Variants in SCAPER observed in about 807,000 individuals in gnomAD.
The protein encoded by SCAPER is S-phase cyclin A associated protein in the ER, also known as S phase cyclin A-associated protein in the endoplasmic reticulum.
SCAPER carries 98 observed loss-of-function variants against 182.2 expected under a neutral mutation model. That is an observed-to-expected ratio of 0.54 (90% confidence interval 0.46 to 0.64). SCAPER has a LOEUF of 0.64. Among genes scored for constraint, SCAPER ranks in the 30% least tolerant of loss-of-function variants. SCAPER has a pLI of 0.00. For missense variants in SCAPER, 1,432 were observed against 1,690.0 expected (o/e 0.85, Z 2.68); for synonymous variants, 605 against 564.6 (o/e 1.07, Z -1.01).
chr15:76,667,014 G>C (rs1598034450), intron 20 of SCAPER, among the ~76,000 whole-genome samples: 1 of 152,164 alleles, frequency 6.6e-6, no homozygotes, highest in Non-Finnish European at 1.5e-5. Flanking sequence ...ATCTCAAAAG[G>C]ATTCTTGTTT....
intron 17 of SCAPER, among the ~76,000 whole-genome samples, chr15:76,725,303 ACAT>A (rs763841200): frequency 3.6e-4 from 55 of 152,208 alleles, no homozygotes; most frequent in Non-Finnish European, 6.6e-4. Context: ...AAATGGAAAG[ACAT>A]CATGTTTTCA....
intron 25 of SCAPER, among the ~76,000 whole-genome samples, chr15:76,465,941 T>C (rs1201676845): frequency 1.3e-5 from 2 of 152,166 alleles, no homozygotes; most frequent in Non-Finnish European, 2.9e-5. Flanking sequence ...AATATGTTGA[T>C]AGTCTGATGT....
chr15:76,607,497 G>C (rs2050543330), intron 22 of SCAPER, among the ~76,000 whole-genome samples: 1 of 152,058 alleles, frequency 6.6e-6, no homozygotes, highest in African/African-American at 2.4e-5. Flanking sequence ...TTTGTGTCTT[G>C]GAGTTGCTCT....
intron 5 of SCAPER, among the ~76,000 whole-genome samples, chr15:76,815,155 T>C (rs1214130602): frequency 6.6e-6 from 1 of 152,188 alleles, no homozygotes; most frequent in African/African-American, 2.4e-5. Flanking sequence ...TGTACACTAT[T>C]TGTGGAAATG....
Position 76,569,710 on chromosome 15 carries a change from CTTCTT to C in SCAPER, c.2838+4443_2838+4447del, listed in dbSNP as rs1161572898. Among the ~76,000 whole-genome samples, 13 of 151,788 alleles carry C rather than the reference CTTCTT, an allele frequency of 8.6e-5. No individual in the cohort carries two copies. The South Asian group carries it at 2.3e-3, about 27-fold the overall frequency. On this transcript the variant is annotated intron_variant, in intron 23 of 31. Coordinates refer to ENST00000563290, the MANE Select transcript of SCAPER (RefSeq NM_020843.4). The stretch of plus-strand genomic sequence containing the variant: ...TCATATATTATATCCTTTTTATACT[CTTCTT>C]TTCATTTTCTATATCTTTTTCTCTC...
chr15:76,710,836 G>C (rs2059524548), intron 17 of SCAPER, among the ~76,000 whole-genome samples: 1 of 152,004 alleles, frequency 6.6e-6, no homozygotes, highest in Admixed American at 6.6e-5. Context: ...TTCAAAATAT[G>C]CTATAAAACT....
At chr15:76,665,329 T>G (rs568577452) in intron 21 of SCAPER, among the ~76,000 whole-genome samples, 1 of 152,220 alleles carries the variant, frequency 6.6e-6, no homozygotes, top group African/African-American at 2.4e-5. Flanking sequence ...GATACTTCAT[T>G]TAAAAATCAA....
intron 21 of SCAPER, among the ~76,000 whole-genome samples, chr15:76,632,444 C>T (rs1037635171): frequency 6.6e-6 from 1 of 152,124 alleles, no homozygotes; most frequent in Non-Finnish European, 1.5e-5. Flanking sequence ...CCACCCACCT[C>T]GGTCTCCCAA....
At chr15:76,905,223 A>C (rs537359255) in intron 1 of SCAPER, 76 bp downstream of exon 1, 2 of 173,814 alleles carry the variant, frequency 1.2e-5, no homozygotes, top group East Asian at 3.8e-4. Context: ...TGGTCCCCGC[A>C]AGGCATTCAG....
chr15:76,452,658 T>C (rs190492919), intron 25 of SCAPER, among the ~76,000 whole-genome samples: 6 of 152,322 alleles, frequency 3.9e-5, no homozygotes, highest in South Asian at 2.1e-4. Flanking sequence ...AAATAAGCCC[T>C]AGTTTTAAGT....
chr15:76,602,173 G>A (rs1450855827), intron 22 of SCAPER, among the ~76,000 whole-genome samples: 1 of 115,784 alleles, frequency 8.6e-6, no homozygotes, highest in African/African-American at 2.5e-5. Context: ...TTAACAATAA[G>A]AAAAATGTTA....
At chr15:76,678,098 C>T (rs2057470427) in intron 20 of SCAPER, among the ~76,000 whole-genome samples, 1 of 151,740 alleles carries the variant, frequency 6.6e-6, no homozygotes, top group African/African-American at 2.4e-5. Context: ...TTCAAAGATA[C>T]TTTTCTTCCT....
At chr15:76,383,692 T>C (rs934281777) in intron 27 of SCAPER, among the ~76,000 whole-genome samples, 2 of 152,192 alleles carry the variant, frequency 1.3e-5, no homozygotes, top group African/African-American at 2.4e-5. Flanking sequence ...TTTTAGGTCA[T>C]ACAAATTTTT....
At chr15:76,801,027 T>A (rs540787334) in intron 6 of SCAPER, among the ~76,000 whole-genome samples, 3 of 152,356 alleles carry the variant, frequency 2.0e-5, no homozygotes, top group African/African-American at 7.2e-5. Flanking sequence ...CCTTTCAATC[T>A]TGCCAACTGT....
intron 23 of SCAPER, among the ~76,000 whole-genome samples, chr15:76,549,148 C>A (rs2045540007): frequency 6.6e-6 from 1 of 152,132 alleles, no homozygotes; most frequent in African/African-American, 2.4e-5. Flanking sequence ...TATGAACAGA[C>A]ACTCCTCAAA....
intron 8 of SCAPER, among the ~76,000 whole-genome samples, chr15:76,779,059 AG>A (rs2063927525): frequency 6.6e-6 from 1 of 152,128 alleles, no homozygotes; most frequent in African/African-American, 2.4e-5. Flanking sequence ...TATAGGATAT[AG>A]GATACATTCC....
intron 25 of SCAPER, among the ~76,000 whole-genome samples, chr15:76,456,403 T>C (rs1315986290): frequency 6.6e-6 from 1 of 152,236 alleles, no homozygotes; most frequent in Non-Finnish European, 1.5e-5. Flanking sequence ...CTTTGTGAAT[T>C]TGTAGATACA....
intron 20 of SCAPER, among the ~76,000 whole-genome samples, chr15:76,679,310 T>C (rs2057551231): frequency 6.6e-6 from 1 of 152,154 alleles, no homozygotes; most frequent in African/African-American, 2.4e-5. Context: ...CAAGAAATGC[T>C]TTTAAAAATA....
At chr15:76,805,892 G>A (rs2066123839) in intron 5 of SCAPER, among the ~76,000 whole-genome samples, 1 of 152,078 alleles carries the variant, frequency 6.6e-6, no homozygotes, top group African/African-American at 2.4e-5. Flanking sequence ...TAAAAGAAAT[G>A]TCTATTCAAA....
Sources: gnomAD v4.1 joint callset for allele counts (sites outside exome capture counted in the v4.1 genomes callset) on GRCh38, gnomAD v4.1.1 for gene constraint, MANE v1.5 for transcripts, NCBI Gene and HGNC (gene_info 2026-07-23, HGNC 2026-07-21) for gene names.